Variants in SGCD observed in about 807,000 individuals in gnomAD.
SGCD encodes the protein delta-sarcoglycan.
In SGCD, 18 loss-of-function variants were observed where a neutral mutation model predicts 36.6. The observed-to-expected ratio is 0.49, with a 90% confidence interval of 0.34 to 0.73. SGCD has a LOEUF of 0.73. Among genes scored for constraint, SGCD ranks in the 30% least tolerant of loss-of-function variants. SGCD has a pLI of 0.01. For missense variants in SGCD, 387 were observed against 346.7 expected, an observed-to-expected ratio of 1.12 and a Z score of -0.92; for synonymous variants, 133 against 130.6, an observed-to-expected ratio of 1.02 and a Z score of -0.12.
the SGCD span, among the ~76,000 whole-genome samples, chr5:155,730,940 T>C: frequency 6.6e-6 from 1 of 152,168 alleles, no homozygotes; most frequent in Non-Finnish European, 1.5e-5. Flanking sequence ...TAGCACACAC[T>C]GGGTGATTTA....
chr5:155,752,328 T>A, the SGCD span, among the ~76,000 whole-genome samples: 1 of 152,214 alleles, frequency 6.6e-6, no homozygotes, highest in Non-Finnish European at 1.5e-5. Flanking sequence ...ATGGTGTGGC[T>A]CCTGCTGCCA....
At chr5:156,278,763 T>A (rs918796952) in intron 3 of SGCD, among the ~76,000 whole-genome samples, 2 of 152,196 alleles carry the variant, frequency 1.3e-5, no homozygotes, top group Non-Finnish European at 2.9e-5. Flanking sequence ...TTTTCAAATG[T>A]TATCAATGCT....
chr5:155,978,513 T>G (rs756833989), intron 1 of SGCD, among the ~76,000 whole-genome samples: 2 of 152,254 alleles, frequency 1.3e-5, no homozygotes, highest in Non-Finnish European at 2.9e-5. Context: ...GCAGGAAAGA[T>G]TATGCAGTGT....
At chr5:156,394,966 C>A (rs776772435) in intron 3 of SGCD, among the ~76,000 whole-genome samples, 4 of 152,194 alleles carry the variant, frequency 2.6e-5, no homozygotes, top group African/African-American at 4.8e-5. Flanking sequence ...TTGCTATTGG[C>A]TTTATCCGTG....
At chr5:155,899,121 G>A (rs571671095) in intron 1 of SGCD, among the ~76,000 whole-genome samples, 2 of 152,166 alleles carry the variant, frequency 1.3e-5, no homozygotes, top group Non-Finnish European at 2.9e-5. Context: ...CAACACTGAA[G>A]AGAAAGAGGG....
chr5:155,911,072 A>G (rs2113356348), intron 1 of SGCD, among the ~76,000 whole-genome samples: 1 of 152,204 alleles, frequency 6.6e-6, no homozygotes, highest in East Asian at 1.9e-4. Context: ...GGGTATGATC[A>G]CAAACATGAT....
intron 1 of SGCD, among the ~76,000 whole-genome samples, chr5:156,113,042 C>A (rs1581105950): frequency 1.3e-5 from 2 of 152,220 alleles, no homozygotes; most frequent in South Asian, 2.1e-4. Context: ...GTAAATTCAA[C>A]TTTACGTGCA....
At chr5:156,504,993 T>C (rs1290226156) in intron 3 of SGCD, among the ~76,000 whole-genome samples, 1 of 152,234 alleles carries the variant, frequency 6.6e-6, no homozygotes. Flanking sequence ...AATGTCAACA[T>C]AGCATGCAGA....
At chr5:155,935,754 G>A (rs921491791) in intron 1 of SGCD, among the ~76,000 whole-genome samples, 2 of 152,204 alleles carry the variant, frequency 1.3e-5, no homozygotes, top group African/African-American at 4.8e-5. Context: ...TGTGGCCAGT[G>A]GTGCTTTTGC....
chr5:155,764,353 A>C, the SGCD span, among the ~76,000 whole-genome samples: 9,824 of 152,226 alleles, frequency 0.065, 803 homozygotes, highest in African/African-American at 0.19. Context: ...CCTTTTGACA[A>C]GCATTTATTA....
the SGCD span, among the ~76,000 whole-genome samples, chr5:155,793,864 A>G: frequency 2.6e-5 from 4 of 151,650 alleles, no homozygotes; most frequent in East Asian, 5.8e-4. Context: ...GTCAGTTTTT[A>G]GATAGAAAAA....
At chr5:156,697,747 G>T (rs571383339) in intron 7 of SGCD, among the ~76,000 whole-genome samples, 1 of 147,820 alleles carries the variant, frequency 6.8e-6, no homozygotes, top group African/African-American at 2.6e-5. Flanking sequence ...TTGGATGGAC[G>T]GACGGATGGA....
chr5:155,834,823 T>C, the SGCD span, among the ~76,000 whole-genome samples: 3 of 151,430 alleles, frequency 2.0e-5, no homozygotes, highest in Admixed American at 6.6e-5. Flanking sequence ...TGTGAAACCA[T>C]TGAATGTAAT....
chr5:156,135,637 A>T lies in SGCD; in HGVS notation c.-44+11618A>T, dbSNP rs1399431918. 4.6e-5 allele frequency among the ~76,000 whole-genome samples: 7 copies of T among 152,156 alleles called. 1 individual carries two copies. In the South Asian group the frequency reaches 1.4e-3, roughly 32 times the overall value. ...TTGCTTGAGAGACTGTGGGTCTTAT[A>T]TTAGAATTTTGAAAAAGTTTAGCAA... On this transcript the variant is annotated intron_variant, in intron 3 of 9. Transcript: ENST00000517913.
At chr5:156,546,593 CTCATG>C (rs1758582239) in intron 4 of SGCD, among the ~76,000 whole-genome samples, 1 of 140,252 alleles carries the variant, frequency 7.1e-6, no homozygotes, top group South Asian at 2.3e-4. Context: ...TTCTGTGACC[CTCATG>C]CTATAGAAGG....
chr5:156,615,351 T>A (rs1000860336), intron 6 of SGCD, among the ~76,000 whole-genome samples: 2 of 152,254 alleles, frequency 1.3e-5, no homozygotes, highest in Non-Finnish European at 2.9e-5. Flanking sequence ...TTTAAATATA[T>A]CCTCTAGATG....
At chr5:156,068,975 C>T (rs564960991) in intron 1 of SGCD, among the ~76,000 whole-genome samples, 15 of 151,852 alleles carry the variant, frequency 9.9e-5, no homozygotes, top group Admixed American at 2.0e-4. Flanking sequence ...GGGTTGTTTG[C>T]TTTTTTCTTG....
chr5:156,536,038 T>C (rs1266347720), intron 4 of SGCD, among the ~76,000 whole-genome samples: 1 of 152,196 alleles, frequency 6.6e-6, no homozygotes, highest in Non-Finnish European at 1.5e-5. Flanking sequence ...TTCTTTCTGT[T>C]AAATAGTCTT....
intron 1 of SGCD, among the ~76,000 whole-genome samples, chr5:155,888,531 G>A (rs1756055969): frequency 6.6e-6 from 1 of 152,144 alleles, no homozygotes; most frequent in Admixed American, 6.5e-5. Context: ...ATAACTCTGT[G>A]TATTTTTTAA....
Sources: allele counts gnomAD v4.1 joint callset (sites outside exome capture counted in the v4.1 genomes callset), GRCh38; gene constraint gnomAD v4.1.1; transcripts MANE v1.5; gene names NCBI Gene and HGNC (gene_info 2026-07-23, HGNC 2026-07-21).